Variants in SH3GL2 observed in about 807,000 individuals in gnomAD.
SH3GL2 encodes endophilin-A1.
Under a neutral mutation model 46.0 loss-of-function variants are expected in SH3GL2, and 24 were observed. That is an observed-to-expected ratio of 0.52 (90% CI 0.38 to 0.73). SH3GL2 has a LOEUF of 0.73. Ranked by LOEUF, SH3GL2 falls within the 30% of genes least tolerant of loss-of-function variation. SH3GL2 has a pLI of 0.00. For missense variants in SH3GL2, 413 were observed against 424.2 expected, an observed-to-expected ratio of 0.97 and a Z score of 0.23; for synonymous variants, 196 against 147.1, an observed-to-expected ratio of 1.33 and a Z score of -2.40.
At chr9:17,698,811 T>G (rs1331309401) in intron 1 of SH3GL2, among the ~76,000 whole-genome samples, 1 of 152,180 alleles carries the variant, frequency 6.6e-6, no homozygotes, top group Non-Finnish European at 1.5e-5. Context: ...TTCATTTTTT[T>G]CTTTTAGCTT....
chr9:17,753,163 G>A (rs1260681121), intron 2 of SH3GL2, among the ~76,000 whole-genome samples: 2 of 152,170 alleles, frequency 1.3e-5, no homozygotes, highest in Non-Finnish European at 2.9e-5. Flanking sequence ...GTGCTGCAGT[G>A]AACACATGTG....
chr9:17,581,136 TACTA>T (rs1818269825), intron 1 of SH3GL2, among the ~76,000 whole-genome samples: 1 of 152,242 alleles, frequency 6.6e-6, no homozygotes, highest in Non-Finnish European at 1.5e-5. Context: ...TAGTATAAAA[TACTA>T]TCCCTTATGC....
intron 1 of SH3GL2, among the ~76,000 whole-genome samples, chr9:17,660,766 C>T (rs975579758): frequency 6.6e-6 from 1 of 152,048 alleles, no homozygotes; most frequent in Non-Finnish European, 1.5e-5. Flanking sequence ...CATAACCACA[C>T]GCAAACTTCC....
At chr9:17,794,794 A>G (rs1235330433) in intron 8 of SH3GL2, among the ~76,000 whole-genome samples, 1 of 152,196 alleles carries the variant, frequency 6.6e-6, no homozygotes, top group Non-Finnish European at 1.5e-5. Context: ...CCATAGCTCC[A>G]GTGCACTGCA....
chr9:17,652,204 CT>C lies in SH3GL2; in HGVS notation c.45+72918del, dbSNP rs1819974445. Among the ~76,000 whole-genome samples, 4 of 152,074 alleles carry C rather than the reference CT, an allele frequency of 2.6e-5. 1 individual carries two copies. The South Asian group carries it at 8.3e-4, about 32-fold the overall frequency. ...GAAGGCATTTAAAGCTCATAATTTA[CT>C]GTTGTTACTGTTTTAGGTGCATGCC... On this transcript the variant is annotated intron_variant, in intron 1 of 8. Transcript: ENST00000380607.
intron 1 of SH3GL2, among the ~76,000 whole-genome samples, chr9:17,725,281 G>A (rs1821992632): frequency 1.3e-5 from 2 of 152,116 alleles, no homozygotes; most frequent in South Asian, 2.1e-4. Flanking sequence ...AATAAAAGAG[G>A]TGTGCATTCC....
At chr9:17,586,830 A>G (rs2134540375) in intron 1 of SH3GL2, among the ~76,000 whole-genome samples, 1 of 152,312 alleles carries the variant, frequency 6.6e-6, no homozygotes, top group Middle Eastern at 3.4e-3. Context: ...GTTTAAGATG[A>G]GATTTGGGTG....
intron 1 of SH3GL2, among the ~76,000 whole-genome samples, chr9:17,697,195 C>T (rs964399159): frequency 1.3e-5 from 2 of 151,976 alleles, no homozygotes; most frequent in Admixed American, 1.3e-4. Context: ...TGGCTTTGCA[C>T]CTTCAACTTG....
At chr9:17,743,861 T>C (rs541002577) in intron 1 of SH3GL2, among the ~76,000 whole-genome samples, 1 of 152,356 alleles carries the variant, frequency 6.6e-6, no homozygotes, top group South Asian at 2.1e-4. Flanking sequence ...TTGGTCAAAA[T>C]GTGATTAACA....
At chr9:17,606,334 G>T (rs1034901119) in intron 1 of SH3GL2, among the ~76,000 whole-genome samples, 3 of 152,102 alleles carry the variant, frequency 2.0e-5, no homozygotes, top group Admixed American at 1.3e-4. Flanking sequence ...CTCATGATCC[G>T]CCCGCCTTGG....
chr9:17,731,302 G>A (rs1270229310), intron 1 of SH3GL2, among the ~76,000 whole-genome samples: 2 of 151,996 alleles, frequency 1.3e-5, no homozygotes, highest in Admixed American at 6.6e-5. Context: ...ATTTGGAGAT[G>A]GGGCCCTTGG....
chr9:17,711,563 A>G (rs1168429065), intron 1 of SH3GL2, among the ~76,000 whole-genome samples: 1 of 151,814 alleles, frequency 6.6e-6, no homozygotes, highest in Non-Finnish European at 1.5e-5. Context: ...CTGTAATCAT[A>G]TAATATTGTA....
At chr9:17,641,900 T>A (rs1482921934) in intron 1 of SH3GL2, among the ~76,000 whole-genome samples, 5 of 152,228 alleles carry the variant, frequency 3.3e-5, no homozygotes, top group Non-Finnish European at 7.3e-5. Flanking sequence ...GCAATAAACA[T>A]ACGTGTGCAT....
At chr9:17,708,148 C>T (rs978629003) in intron 1 of SH3GL2, among the ~76,000 whole-genome samples, 2 of 151,972 alleles carry the variant, frequency 1.3e-5, no homozygotes, top group Admixed American at 6.6e-5. Flanking sequence ...TGGACTGTTC[C>T]CAAGGTCTTG....
intron 1 of SH3GL2, among the ~76,000 whole-genome samples, chr9:17,613,750 C>A (rs535352516): frequency 6.6e-6 from 1 of 152,254 alleles, no homozygotes; most frequent in African/African-American, 2.4e-5. Context: ...GATGCTCTAG[C>A]CTGCAGAAAA....
chr9:17,736,618 A>G (rs1434520577), intron 1 of SH3GL2, among the ~76,000 whole-genome samples: 2 of 152,216 alleles, frequency 1.3e-5, no homozygotes, highest in East Asian at 1.9e-4. Flanking sequence ...ATTTGGTGAC[A>G]TAAAATGCTA....
rs562704393 is a variant in SH3GL2 at position 17,614,757 on chromosome 9, G to A, written c.45+35470G>A. Among the ~76,000 whole-genome samples, 41 of 152,208 alleles carry A rather than the reference G, an allele frequency of 2.7e-4. 1 individual carries two copies. In the South Asian group the frequency reaches 8.1e-3, roughly 30 times the overall value. On this transcript the variant is annotated intron_variant, in intron 1 of 8. Coordinates refer to ENST00000380607, the MANE Select transcript of SH3GL2 (RefSeq NM_003026.5). ...GTTCTACAGCTGAGAGGTGGGTTGCGGAGGCTGCTGTCCTTTTCTACCAAG... is the reference window on the plus strand; with the variant it reads ...GTTCTACAGCTGAGAGGTGGGTTGCAGAGGCTGCTGTCCTTTTCTACCAAG...
chr9:17,774,717 A>G (rs1823590761), intron 3 of SH3GL2, among the ~76,000 whole-genome samples: 1 of 152,162 alleles, frequency 6.6e-6, no homozygotes, highest in Non-Finnish European at 1.5e-5. Flanking sequence ...GAGAATTTTC[A>G]CAACAATGAT....
At chr9:17,794,333 G>A (rs572318024) in intron 8 of SH3GL2, among the ~76,000 whole-genome samples, 31 of 152,230 alleles carry the variant, frequency 2.0e-4, no homozygotes, top group African/African-American at 7.2e-4. Flanking sequence ...AGTGCTTGAT[G>A]TTCTACTGTA....
Sources: gnomAD v4.1 joint callset for allele counts (sites outside exome capture counted in the v4.1 genomes callset) on GRCh38, gnomAD v4.1.1 for gene constraint, MANE v1.5 for transcripts, NCBI Gene and HGNC (gene_info 2026-07-23, HGNC 2026-07-21) for gene names.